Variants in ADAM9 observed in about 807,000 individuals in gnomAD.
ADAM9 encodes the protein disintegrin and metalloproteinase domain-containing protein 9.
ADAM9 carries 54 observed loss-of-function variants against 108.1 expected under a neutral mutation model. The ratio of observed to expected loss-of-function variants is 0.50; its 90% CI spans 0.40 to 0.63. The LOEUF (loss-of-function observed/expected upper bound fraction) is 0.63, where lower values mean the gene tolerates loss of function less well. Ranked by LOEUF, ADAM9 falls within the 20% of genes least tolerant of loss-of-function variation. ADAM9 has a pLI of 0.00. For synonymous variants in ADAM9, 316 were observed against 336.0 expected, an observed-to-expected ratio of 0.94 and a Z score of 0.65; for missense variants, 830 against 997.7, an observed-to-expected ratio of 0.83 and a Z score of 2.26.
At chr8:39,024,028 G>C (rs541760601) in intron 9 of ADAM9, among the ~76,000 whole-genome samples, 162 of 152,276 alleles carry the variant, frequency 1.1e-3, no homozygotes, top group Non-Finnish European at 1.6e-3. Flanking sequence ...TTATAGGCGT[G>C]ACACTGGGTA....
At chr8:39,021,491 C>G in intron 7 of ADAM9, 152 bp from the exon 8 acceptor site, 1 of 692,212 alleles carries the variant, frequency 1.4e-6, no homozygotes. Flanking sequence ...GCCATGTTGG[C>G]TAGGCTGGTC....
chr8:39,098,431 C>G (rs541045329), intron 20 of ADAM9, among the ~76,000 whole-genome samples: 1 of 152,296 alleles, frequency 6.6e-6, no homozygotes, highest in South Asian at 2.1e-4. Context: ...TGTTTCTTAA[C>G]CTCTCTTTGG....
At chr8:39,059,794 CAT>C (rs1265139184) in intron 14 of ADAM9, among the ~76,000 whole-genome samples, 3 of 152,224 alleles carry the variant, frequency 2.0e-5, no homozygotes, top group Admixed American at 6.5e-5. Context: ...CATATCATAT[CAT>C]GTGTAGAACC....
chr8:39,023,042 GT>G (rs1434576486), intron 8 of ADAM9, 113 bp from the exon 9 acceptor site: 17 of 969,422 alleles, frequency 1.8e-5, no homozygotes, highest in East Asian at 2.7e-5. Context: ...AGGAAAGATA[GT>G]TTTTTTTAGG....
At chr8:39,045,445 T>TAC (rs368884578) in intron 12 of ADAM9, among the ~76,000 whole-genome samples, 2 of 38,492 alleles carry the variant, frequency 5.2e-5, no homozygotes, top group African/African-American at 8.3e-5. Context: ...TGCGCGTGTG[T>TAC]ACACACACCT....
chr8:39,028,920 CTGAG>C (rs1048785382), intron 11 of ADAM9, among the ~76,000 whole-genome samples: 30 of 152,182 alleles, frequency 2.0e-4, no homozygotes, highest in African/African-American at 6.7e-4. Context: ...TAACAGAAAC[CTGAG>C]TGAGTTGGTA....
chr8:39,069,816 C>G (rs1838617749), intron 14 of ADAM9, among the ~76,000 whole-genome samples: 1 of 152,126 alleles, frequency 6.6e-6, no homozygotes, highest in Admixed American at 6.5e-5. Context: ...ATTTCCTCTA[C>G]TGTCAATATT....
At position 39,033,278 on chromosome 8, in the gene ADAM9, A is replaced by C. The variant is rs1837159288; in HGVS notation, c.1130+6468A>C. ...TTTGTATATTAACCCTGTATCCTATAACCTTACTGTAATTGCTTTTTAGTT... is the reference window on the plus strand; with the variant it reads ...TTTGTATATTAACCCTGTATCCTATCACCTTACTGTAATTGCTTTTTAGTT... On this transcript the variant is annotated intron_variant, in intron 11 of 21. Coordinates refer to ENST00000487273, the MANE Select transcript of ADAM9 (RefSeq NM_003816.3). Among the ~76,000 whole-genome samples the C allele has an allele frequency of 2.6e-5, 4 of 152,290 alleles. No homozygotes were observed. In the South Asian group the frequency reaches 8.3e-4, roughly 32 times the overall value.
At chr8:39,031,963 C>G (rs1364567975) in intron 11 of ADAM9, among the ~76,000 whole-genome samples, 1 of 152,168 alleles carries the variant, frequency 6.6e-6, no homozygotes, top group Admixed American at 6.5e-5. Flanking sequence ...CCCTTTTTGC[C>G]TGGGTATTAC....
intron 3 of ADAM9, among the ~76,000 whole-genome samples, chr8:39,012,143 C>T (rs1293016082): frequency 6.6e-6 from 1 of 152,144 alleles, no homozygotes. Flanking sequence ...AAGGCATGAC[C>T]CCCAGAGTCC....
At chr8:39,074,633 T>G (rs1206202453) in intron 15 of ADAM9, among the ~76,000 whole-genome samples, 1 of 152,032 alleles carries the variant, frequency 6.6e-6, no homozygotes, top group Non-Finnish European at 1.5e-5. Flanking sequence ...TTTCCATAAG[T>G]GTCCTCAAAC....
chr8:39,090,510 C>G (rs1007828389), intron 19 of ADAM9, among the ~76,000 whole-genome samples: 3 of 152,194 alleles, frequency 2.0e-5, no homozygotes, highest in African/African-American at 7.2e-5. Flanking sequence ...ATAGTCATAT[C>G]ACCAGAGATT....
intron 12 of ADAM9, among the ~76,000 whole-genome samples, chr8:39,049,398 T>C (rs1837878983): frequency 6.6e-6 from 1 of 152,014 alleles, no homozygotes; most frequent in Admixed American, 6.6e-5. Context: ...TGTTACAGTT[T>C]ACAATCTATT....
intron 20 of ADAM9, among the ~76,000 whole-genome samples, chr8:39,098,186 T>C (rs1238364818): frequency 6.6e-6 from 1 of 152,196 alleles, no homozygotes; most frequent in Non-Finnish European, 1.5e-5. Context: ...TGTCTGTTAC[T>C]CTAATTGATG....
rs1290249793 is a variant in ADAM9 at position 39,031,545 on chromosome 8, T to G, written c.1130+4735T>G. Reference sequence around the variant, plus strand: ...ACCCTGTTTATTCTAGTTAGCCATTTGTCTAATCTTTTTTCAAAGTTTTTA... The same window carrying G: ...ACCCTGTTTATTCTAGTTAGCCATTGGTCTAATCTTTTTTCAAAGTTTTTA... On this transcript the variant is annotated intron_variant, in intron 11 of 21. Coordinates refer to ENST00000487273, the MANE Select transcript of ADAM9 (RefSeq NM_003816.3). 3.9e-5 allele frequency among the ~76,000 whole-genome samples: 6 copies of G among 152,344 alleles called. No individual in the cohort carries two copies. In the East Asian group the frequency reaches 1.2e-3, roughly 29 times the overall value.
intron 11 of ADAM9, among the ~76,000 whole-genome samples, chr8:39,031,398 A>G (rs998958692): frequency 1.3e-5 from 2 of 152,104 alleles, no homozygotes; most frequent in Admixed American, 6.5e-5. Flanking sequence ...TGGGCTCTCT[A>G]TCTTGTTCTC....
intron 8 of ADAM9, 94 bp downstream of exon 8, chr8:39,021,808 T>C (rs1227413036): frequency 9.4e-7 from 1 of 1,067,218 alleles, no homozygotes; most frequent in African/African-American, 1.6e-5. Flanking sequence ...GTTCTGATTT[T>C]CATAGGGCCT....
chr8:39,055,514 C>T (rs1838090898), intron 13 of ADAM9, 63 bp from the exon 14 acceptor site: 1 of 1,526,834 alleles, frequency 6.5e-7, no homozygotes, highest in Admixed American at 1.7e-5. Context: ...TGTGGTTTCA[C>T]ATTTGATTAA....
intron 14 of ADAM9, among the ~76,000 whole-genome samples, chr8:39,066,664 T>C (rs1422109639): frequency 2.0e-5 from 3 of 152,238 alleles, no homozygotes; most frequent in Non-Finnish European, 4.4e-5. Flanking sequence ...CTTTGTTAGA[T>C]GAGTAGATTG....
Sources: gnomAD v4.1 joint callset for allele counts (sites outside exome capture counted in the v4.1 genomes callset) on GRCh38, gnomAD v4.1.1 for gene constraint, MANE v1.5 for transcripts, NCBI Gene and HGNC (gene_info 2026-07-23, HGNC 2026-07-21) for gene names.